The following CDH18 variants were observed in gnomAD, a reference collection of about 807,000 sequenced individuals.
CDH18 encodes cadherin 18.
A neutral mutation model predicts 67.9 loss-of-function variants in CDH18; 31 were observed. The observed-to-expected ratio is 0.46, with a 90% CI of 0.34 to 0.62. The LOEUF is 0.62. Ranked by LOEUF, CDH18 falls within the 20% of genes least tolerant of loss-of-function variation. CDH18 has a pLI of 0.01. For synonymous variants in CDH18, 362 were observed against 347.2 expected (o/e 1.04, Z -0.48); for missense variants, 890 against 975.5 (o/e 0.91, Z 1.17).
At chr5:19,752,702 C>G (rs919276739) in intron 3 of CDH18, among the ~76,000 whole-genome samples, 1 of 152,154 alleles carries the variant, frequency 6.6e-6, no homozygotes, top group Non-Finnish European at 1.5e-5. Context: ...AAAGCACCAC[C>G]TCCTGGCAGA....
At chr5:20,314,670 GA>G (rs1398329501) in intron 1 of CDH18, among the ~76,000 whole-genome samples, 1 of 151,934 alleles carries the variant, frequency 6.6e-6, no homozygotes, top group Non-Finnish European at 1.5e-5. Flanking sequence ...TGATAGATGG[GA>G]ATATTAAGAA....
intron 1 of CDH18, among the ~76,000 whole-genome samples, chr5:20,319,542 T>C (rs1207176895): frequency 6.6e-6 from 1 of 152,200 alleles, no homozygotes; most frequent in African/African-American, 2.4e-5. Flanking sequence ...TGTGAATAGA[T>C]CAAAGTTAAC....
At chr5:20,550,126 C>T (rs903981235) in intron 1 of CDH18, among the ~76,000 whole-genome samples, 11 of 152,102 alleles carry the variant, frequency 7.2e-5, no homozygotes, top group African/African-American at 2.2e-4. Flanking sequence ...CTACCTGTCA[C>T]GTTTAAAGAT....
At chr5:19,983,386 T>C (rs1280956250) in intron 1 of CDH18, among the ~76,000 whole-genome samples, 1 of 152,166 alleles carries the variant, frequency 6.6e-6, no homozygotes, top group African/African-American at 2.4e-5. Context: ...ACAGAAATGA[T>C]AGTTGAATTC....
intron 5 of CDH18, among the ~76,000 whole-genome samples, chr5:19,711,650 T>TA (rs3062941): frequency 0.61 from 70,858 of 115,556 alleles, 21,642 homozygotes; most frequent in South Asian, 0.76. Flanking sequence ...TAGTATAAAG[T>TA]AAAAAAAAAA....
At chr5:20,305,714 G>C in intron 1 of CDH18, 1 of 398,490 alleles carries the variant, frequency 2.5e-6, no homozygotes, top group Non-Finnish European at 4.6e-6. Flanking sequence ...AGACGCGCCG[G>C]TTCAGCCGGA....
intron 2 of CDH18, among the ~76,000 whole-genome samples, chr5:20,197,142 G>T (rs1474695786): frequency 6.6e-6 from 1 of 152,118 alleles, no homozygotes; most frequent in African/African-American, 2.4e-5. Flanking sequence ...CACCCAAGTA[G>T]GTGGGACTAC....
intron 1 of CDH18, among the ~76,000 whole-genome samples, chr5:20,492,380 T>C (rs1008449401): frequency 2.0e-5 from 3 of 152,188 alleles, no homozygotes; most frequent in Admixed American, 1.3e-4. Context: ...CAGTTATTTC[T>C]TTCATTTAAC....
chr5:20,031,568 A>G (rs978834606), intron 2 of CDH18, among the ~76,000 whole-genome samples: 9 of 151,984 alleles, frequency 5.9e-5, no homozygotes, highest in African/African-American at 1.7e-4. Context: ...AATTTCTTCA[A>G]TTGGGAAGTC....
chr5:20,120,059 CTGTT>C (rs1748229380), intron 2 of CDH18, among the ~76,000 whole-genome samples: 1 of 152,050 alleles, frequency 6.6e-6, no homozygotes, highest in Non-Finnish European at 1.5e-5. Flanking sequence ...ATTCAGTTCA[CTGTT>C]TGATAGGTAG....
intron 7 of CDH18, among the ~76,000 whole-genome samples, chr5:19,581,703 A>T (rs987226416): frequency 3.9e-5 from 6 of 152,058 alleles, no homozygotes; most frequent in Admixed American, 6.6e-5. Flanking sequence ...TCATACATAA[A>T]ATTGTCATCT....
intron 1 of CDH18, among the ~76,000 whole-genome samples, chr5:20,478,324 G>T (rs993724509): frequency 2.0e-5 from 3 of 152,116 alleles, no homozygotes; most frequent in Admixed American, 6.5e-5. Flanking sequence ...CAAGGCCTTG[G>T]TTCCAGGATG....
chr5:19,622,249 G>A (rs939558057), intron 5 of CDH18, among the ~76,000 whole-genome samples: 3 of 152,036 alleles, frequency 2.0e-5, no homozygotes, highest in Non-Finnish European at 2.9e-5. Flanking sequence ...AAGTAAACTC[G>A]GGTTACTGAA....
Position 20,303,927 on chromosome 5 carries a change from A to G in CDH18, c.-579-48422T>C, listed in dbSNP as rs189182309. On this transcript the variant is annotated intron_variant, in intron 1 of 14. Coordinates refer to the CDH18 transcript ENST00000507958. ...TATTGGCCACATTAATCTTCCTCTC[A>G]AAAGTTTTAAGTTATCTGTAAGTTC... 445 of 653,792 alleles carry G rather than the reference A, an allele frequency of 6.8e-4. 2 individuals carry two copies. Among genetic ancestry groups the G allele is most frequent in the African/African-American group, 6.6e-3 (362 of 54,980 alleles). 40.5% of individuals were successfully genotyped at this position (653,792 alleles called of 1,614,324 possible).
In CDH18 at chr5:19,474,122, T is replaced by C. The variant is rs1047915319; in HGVS notation, c.1883-406A>G. 1.2e-4 allele frequency among the ~76,000 whole-genome samples: 19 copies of C among 152,220 alleles called. No individual in the cohort carries two copies. The South Asian group carries it at 2.7e-3, about 22-fold the overall frequency. The stretch of plus-strand genomic sequence containing the variant: ...TCTCTCTATAGATATTTAATCCTTC[T>C]AGGTAGATACACTAAAGATGTTTTA... On this transcript the variant is annotated intron_variant, in intron 12 of 12. Coordinates refer to ENST00000382275, the MANE Select transcript of CDH18 (RefSeq NM_004934.5).
intron 6 of CDH18, among the ~76,000 whole-genome samples, chr5:19,592,697 C>T (rs1161889146): frequency 6.6e-6 from 1 of 151,938 alleles, no homozygotes; most frequent in Non-Finnish European, 1.5e-5. Context: ...ATATGAGATC[C>T]ATCCGATAAA....
chr5:19,960,819 G>C (rs549340198), intron 2 of CDH18, among the ~76,000 whole-genome samples: 1 of 146,876 alleles, frequency 6.8e-6, no homozygotes, highest in Non-Finnish European at 1.5e-5. Flanking sequence ...ACACACACAC[G>C]CACACAAATA....
chr5:19,670,251 C>T (rs977402143), intron 5 of CDH18, among the ~76,000 whole-genome samples: 1 of 151,636 alleles, frequency 6.6e-6, no homozygotes, highest in Non-Finnish European at 1.5e-5. Flanking sequence ...AACATGGAAA[C>T]GATTCAATGG....
intron 1 of CDH18, among the ~76,000 whole-genome samples, chr5:20,467,508 T>C (rs1751720306): frequency 6.6e-6 from 1 of 152,176 alleles, no homozygotes; most frequent in South Asian, 2.1e-4. Flanking sequence ...ATGACAGTCA[T>C]TCAGTTGAGA....
Sources: gnomAD v4.1 joint callset for allele counts (sites outside exome capture counted in the v4.1 genomes callset) on GRCh38, gnomAD v4.1.1 for gene constraint, MANE v1.5 for transcripts, NCBI Gene and HGNC (gene_info 2026-07-23, HGNC 2026-07-21) for gene names.